MAP3K20: variants seen among roughly 807,000 people sequenced by gnomAD.
The protein encoded by MAP3K20 is HCCS-4.
In MAP3K20, 40 loss-of-function variants were observed where a neutral mutation model predicts 85.7. That is an observed-to-expected ratio of 0.47 (90% confidence interval 0.36 to 0.61). The LOEUF (loss-of-function observed/expected upper bound fraction) is 0.61, where lower values mean the gene tolerates loss of function less well. Ranked by LOEUF, MAP3K20 falls within the 20% of genes least tolerant of loss-of-function variation. The probability of loss-of-function intolerance (pLI) is 0.00; values close to 1 mark genes in which losing one functional copy is unlikely to be tolerated. For synonymous variants in MAP3K20, 325 were observed against 327.7 expected, an observed-to-expected ratio of 0.99 and a Z score of 0.09; for missense variants, 817 against 961.7, an observed-to-expected ratio of 0.85 and a Z score of 1.99.
chr2:173,214,923 T>G (rs1316689228), intron 10 of MAP3K20, among the ~76,000 whole-genome samples: 1 of 152,212 alleles, frequency 6.6e-6, no homozygotes, highest in East Asian at 1.9e-4. Flanking sequence ...GCATATAACC[T>G]CACACACGAT....
At chr2:173,104,111 A>G (rs1312336885) in intron 2 of MAP3K20, among the ~76,000 whole-genome samples, 5 of 152,204 alleles carry the variant, frequency 3.3e-5, no homozygotes, top group Non-Finnish European at 7.4e-5. Context: ...GGCTGAATTT[A>G]GTGATTCATT....
At chr2:173,081,597 A>C (rs953372830) in intron 1 of MAP3K20, among the ~76,000 whole-genome samples, 6 of 152,182 alleles carry the variant, frequency 3.9e-5, no homozygotes, top group African/African-American at 1.4e-4. Context: ...CAAGACAAAG[A>C]GATCTCTTTG....
intron 4 of MAP3K20, 60 bp from the exon 5 acceptor site, chr2:173,187,498 G>C (rs1690522463): frequency 1.4e-6 from 2 of 1,407,284 alleles, no homozygotes; most frequent in South Asian, 2.6e-5. Context: ...ACTATGAAAG[G>C]TAATACTGAT....
Position 173,266,931 on chromosome 2 carries a change from T to G in MAP3K20, c.*181T>G, listed in dbSNP as rs1007246462. The G allele has an allele frequency of 5.9e-6, 3 of 504,896 alleles. No individual in the cohort carries two copies. The highest frequency in any genetic ancestry group is 6.4e-5 in the East Asian group (2 of 31,178). The allele number at this position is 504,896 out of a possible 1,614,324, so 31.3% of individuals were successfully genotyped here. On this transcript the variant is annotated 3_prime_UTR_variant, in exon 20 of 20. Transcript: ENST00000375213. ...CAAACCAGGGCCAAAATTATGGATA[T>G]TGGTCACCCAGTGATCATAACTAGG...
At chr2:173,234,256 A>G (rs113223801) in intron 14 of MAP3K20, among the ~76,000 whole-genome samples, 2,411 of 152,314 alleles carry the variant, frequency 0.016, 58 homozygotes, top group African/African-American at 0.054. Flanking sequence ...AGTGATTTAC[A>G]TCTTTCCAAG....
intron 16 of MAP3K20, among the ~76,000 whole-genome samples, chr2:173,251,413 G>A (rs1216452433): frequency 1.3e-5 from 2 of 152,084 alleles, no homozygotes; most frequent in East Asian, 3.8e-4. Flanking sequence ...ATCCTACAAA[G>A]CCAAATGACC....
chr2:173,125,527 A>G (rs1031794518), intron 2 of MAP3K20, among the ~76,000 whole-genome samples: 1 of 152,076 alleles, frequency 6.6e-6, no homozygotes, highest in Admixed American at 6.5e-5. Context: ...TTTTAAATAA[A>G]ACTTTACTTT....
intron 2 of MAP3K20, among the ~76,000 whole-genome samples, chr2:173,093,931 T>C (rs1423720837): frequency 1.4e-5 from 2 of 141,160 alleles, no homozygotes; most frequent in East Asian, 2.1e-4. Flanking sequence ...TATGTGGGAA[T>C]TGAACAATGA....
At chr2:173,113,251 T>A (rs1157559107) in intron 2 of MAP3K20, among the ~76,000 whole-genome samples, 1 of 152,186 alleles carries the variant, frequency 6.6e-6, no homozygotes. Context: ...TCCTGTTTTG[T>A]TTCTTAGTGG....
intron 1 of MAP3K20, among the ~76,000 whole-genome samples, chr2:173,083,457 G>C (rs567523150): frequency 1.3e-5 from 2 of 151,878 alleles, no homozygotes; most frequent in Non-Finnish European, 2.9e-5. Context: ...GGGCTCAAGC[G>C]ATCCTCCTGC....
At chr2:173,092,669 T>C (rs1687333944) in intron 2 of MAP3K20, among the ~76,000 whole-genome samples, 1 of 152,202 alleles carries the variant, frequency 6.6e-6, no homozygotes, top group African/African-American at 2.4e-5. Context: ...AGCTTTAGAT[T>C]GTACAACTTT....
intron 2 of MAP3K20, among the ~76,000 whole-genome samples, chr2:173,147,633 C>A (rs1243069289): frequency 6.6e-6 from 1 of 152,154 alleles, no homozygotes; most frequent in Non-Finnish European, 1.5e-5. Flanking sequence ...TGTTGCCAGG[C>A]TGGAGTGCAG....
intron 2 of MAP3K20, among the ~76,000 whole-genome samples, chr2:173,144,236 G>C (rs535633985): frequency 3.8e-4 from 58 of 152,064 alleles, no homozygotes; most frequent in African/African-American, 1.3e-3. Flanking sequence ...GGCCAAGGTG[G>C]GCAGATCACA....
chr2:173,253,117 A>C (rs1008686325), intron 16 of MAP3K20, among the ~76,000 whole-genome samples: 3 of 150,898 alleles, frequency 2.0e-5, no homozygotes, highest in African/African-American at 7.3e-5. Context: ...CAGCCTGCCC[A>C]CTCCAGCAGG....
At chr2:173,108,388 C>G (rs1023560584) in intron 2 of MAP3K20, among the ~76,000 whole-genome samples, 3 of 152,224 alleles carry the variant, frequency 2.0e-5, no homozygotes, top group Non-Finnish European at 4.4e-5. Flanking sequence ...GCCTCGGCCT[C>G]CCAAAGTGCT....
chr2:173,179,341 G>A lies in MAP3K20; in HGVS notation c.248-3513G>A, dbSNP rs182534007. Among the ~76,000 whole-genome samples the A allele has an allele frequency of 4.0e-5, 6 of 148,206 alleles. No homozygotes were observed. In the East Asian group the frequency reaches 1.2e-3, roughly 30 times the overall value. On this transcript the variant is annotated intron_variant, in intron 3 of 19. Transcript: ENST00000375213. ...CTGGAGGCGGAGCTTGCAGTGAGTC[G>A]AGTTTGCACCACTGCACTCCAGCCT...
rs766510908 is a variant in MAP3K20 at position 173,266,644 on chromosome 2, G to A, written c.2297G>A (p.Gly766Glu). The stretch of plus-strand genomic sequence containing the variant: ...GAAGAGGACAGCAAAGTCAGCGAAG[G>A]GGGCTGGACAAAAGTGGAATACCGG... ...ASEEDSKVSE[G>E]GWTKVEYRKK... Residue 766 changes from glycine (G) to glutamate (E), a missense_variant, in exon 20 of 20, where the codon GGG becomes GAG. Transcript: ENST00000375213. The A allele has an allele frequency of 1.2e-6, 2 of 1,613,550 alleles. No homozygotes were observed. Among genetic ancestry groups the A allele is most frequent in the Non-Finnish European group, 8.5e-7 (1 of 1,179,892 alleles).
Position 173,171,159 on chromosome 2 carries a change from G to C in MAP3K20, c.247+1267G>C, listed in dbSNP as rs1267262003. ...TACCCAAGAATGGGTTATATTGTTGGTTGAGGGGGAACCATACCTCACATT... is the reference window on the plus strand; with the variant it reads ...TACCCAAGAATGGGTTATATTGTTGCTTGAGGGGGAACCATACCTCACATT... On this transcript the variant is annotated intron_variant, in intron 3 of 19. Coordinates refer to ENST00000375213, the MANE Select transcript of MAP3K20 (RefSeq NM_016653.3). Among the ~76,000 whole-genome samples, 3 of 152,150 alleles carry C rather than the reference G, an allele frequency of 2.0e-5. No individual in the cohort carries two copies. In the East Asian group the frequency reaches 5.8e-4, roughly 29 times the overall value.
At chr2:173,080,110 CTG>C (rs540554848) in intron 1 of MAP3K20, among the ~76,000 whole-genome samples, 3 of 152,180 alleles carry the variant, frequency 2.0e-5, no homozygotes, top group Non-Finnish European at 4.4e-5. Flanking sequence ...TGTTAGGAAA[CTG>C]TGCCATCACT....
Sources: allele counts gnomAD v4.1 joint callset (sites outside exome capture counted in the v4.1 genomes callset), GRCh38; gene constraint gnomAD v4.1.1; transcripts MANE v1.5; gene names NCBI Gene and HGNC (gene_info 2026-07-23, HGNC 2026-07-21).